Variants in SDAD1 observed in about 807,000 individuals in gnomAD.
The protein encoded by SDAD1 is protein SDA1 homolog.
Under a neutral mutation model 100.3 loss-of-function variants are expected in SDAD1, and 79 were observed. The observed-to-expected ratio is 0.79, with a 90% CI of 0.66 to 0.95. The LOEUF (loss-of-function observed/expected upper bound fraction) is 0.95, where lower values mean the gene tolerates loss of function less well. Ranked by LOEUF, SDAD1 falls within the 40% of genes least tolerant of loss-of-function variation. The pLI is 0.00. For synonymous variants in SDAD1, 267 were observed against 271.4 expected, an observed-to-expected ratio of 0.98 and a Z score of 0.16; for missense variants, 790 against 810.9, an observed-to-expected ratio of 0.97 and a Z score of 0.31.
At chr4:75,990,062 T>A (rs1295210629) in intron 1 of SDAD1, among the ~76,000 whole-genome samples, 1 of 152,190 alleles carries the variant, frequency 6.6e-6, no homozygotes, top group African/African-American at 2.4e-5. Flanking sequence ...AAAACCACTT[T>A]CGTTTTGTCG....
chr4:75,990,633 T>A, intron 1 of SDAD1, 119 bp downstream of exon 1: 1 of 1,597,552 alleles, frequency 6.3e-7, no homozygotes, highest in Non-Finnish European at 8.5e-7. Context: ...GAGGGACCCC[T>A]GAACCTAACA....
intron 20 of SDAD1, 75 bp from the exon 21 acceptor site, chr4:75,956,211 CCT>C (rs1438344674): frequency 6.8e-7 from 1 of 1,477,502 alleles, no homozygotes; most frequent in Non-Finnish European, 9.1e-7. Flanking sequence ...ATTAATGTCT[CCT>C]CTGTGTCAGA....
rs114686784 is a variant in SDAD1, at chr4:75,990,912, G to A, written c.-71C>T. 2.5e-6 allele frequency: 4 copies of A among 1,578,010 alleles called. No individual in the cohort carries two copies. The highest frequency in any genetic ancestry group is 1.7e-5 in the Admixed American group (1 of 59,556). Reference sequence around the variant, plus strand: ...AGACGGCCGGCACCCCGCAATCCCTGCCAGCTGCAGCTTGGACTCGTGTTT... The same window carrying A: ...AGACGGCCGGCACCCCGCAATCCCTACCAGCTGCAGCTTGGACTCGTGTTT... On this transcript the variant is annotated 5_prime_UTR_variant, in exon 1 of 22. Coordinates refer to ENST00000356260, the MANE Select transcript of SDAD1 (RefSeq NM_018115.4).
At chr4:75,965,611 T>C (rs535055928) in intron 13 of SDAD1, among the ~76,000 whole-genome samples, 153 bp downstream of exon 13, 2 of 152,262 alleles carry the variant, frequency 1.3e-5, no homozygotes, top group East Asian at 3.9e-4. Context: ...TCTTTTGTAC[T>C]CTTTCCCTTC....
At position 75,976,249 on chromosome 4, in the gene SDAD1, A is replaced by G. The variant is rs561626615; in HGVS notation, c.406-254T>C. Among the ~76,000 whole-genome samples the G allele has an allele frequency of 1.3e-4, 20 of 152,332 alleles. 1 individual carries two copies. In the South Asian group the frequency reaches 3.7e-3, roughly 28 times the overall value. ...CTAGGTATATATCCTAGAAAATGAA[A>G]ACATCAGTGTTCACACAAACATTCA... On this transcript the variant is annotated intron_variant, in intron 4 of 21. Coordinates refer to ENST00000356260, the MANE Select transcript of SDAD1 (RefSeq NM_018115.4).
intron 8 of SDAD1, among the ~76,000 whole-genome samples, chr4:75,972,706 AT>A (rs1235465758): frequency 0.017 from 2,215 of 133,260 alleles, 50 homozygotes; most frequent in African/African-American, 0.057. Flanking sequence ...ATGAATCTTG[AT>A]TTTTTTTTTT....
At chr4:75,958,249 G>A (rs1729017616) in intron 17 of SDAD1, among the ~76,000 whole-genome samples, 1 of 152,114 alleles carries the variant, frequency 6.6e-6, no homozygotes, top group African/African-American at 2.4e-5. Flanking sequence ...CGCTAAAAAG[G>A]CATCCTACAC....
intron 3 of SDAD1, among the ~76,000 whole-genome samples, 190 bp from the exon 4 acceptor site, chr4:75,977,946 T>C (rs1197056288): frequency 6.6e-6 from 1 of 152,112 alleles, no homozygotes. Context: ...ACAAGCCAAG[T>C]AAGCATATAA....
At chr4:75,967,800 G>C (rs1365113155) in intron 11 of SDAD1, among the ~76,000 whole-genome samples, 5 of 152,152 alleles carry the variant, frequency 3.3e-5, no homozygotes, top group Non-Finnish European at 4.4e-5. Flanking sequence ...TTGTATACCA[G>C]TCCAACCACG....
At chr4:75,964,049 C>G (rs1157417831) in intron 14 of SDAD1, 86 bp downstream of exon 14, 2 of 853,532 alleles carry the variant, frequency 2.3e-6, no homozygotes, top group African/African-American at 3.5e-5. Context: ...GTGATACTAC[C>G]AGCTACAATC....
At chr4:75,967,417 G>T in intron 11 of SDAD1, 83 bp from the exon 12 acceptor site, 1 of 1,242,022 alleles carries the variant, frequency 8.1e-7, no homozygotes, top group Non-Finnish European at 1.2e-6. Flanking sequence ...ATATCACCAA[G>T]CTCAACTAAT....
rs374104248 is a variant in SDAD1, at chr4:75,969,325, G to C, written c.958C>G (p.Leu320Val). ...TGAATTCCCACCAATCTGGAGATAA[G>C]GTTCATGAGCATCATCTTCACTTCA... is the stretch of plus-strand genomic sequence containing the variant. ...RFEVKMMLMN[L>V]ISRLVGIHEL... is the part of the protein sequence containing the mutation. Residue 320 changes from leucine to valine, a missense_variant, in exon 11 of 22, where the codon CTT becomes GTT. Leu to Val is a conservative substitution (Grantham distance 32). Coordinates refer to ENST00000356260, the MANE Select transcript of SDAD1 (RefSeq NM_018115.4). The C allele has an allele frequency of 1.9e-6, 3 of 1,613,350 alleles. No homozygotes were observed. The highest frequency in any genetic ancestry group is 2.5e-6 in the Non-Finnish European group (3 of 1,179,490).
intron 8 of SDAD1, among the ~76,000 whole-genome samples, chr4:75,972,715 T>C (rs1729935744): frequency 6.6e-6 from 1 of 151,976 alleles, no homozygotes; most frequent in Non-Finnish European, 1.5e-5. Context: ...GATTTTTTTT[T>C]TTTCCTCAAA....
intron 6 of SDAD1, 122 bp from the exon 7 acceptor site, chr4:75,974,255 A>G: frequency 1.3e-6 from 1 of 778,934 alleles, no homozygotes; most frequent in Admixed American, 2.1e-5. Context: ...TCCCAGTTGT[A>G]ATATTTTAAA....
At position 75,990,650 on chromosome 4, in the gene SDAD1, T is replaced by C. The variant is rs760875130; in HGVS notation, c.90+102A>G. ...GGGACCCCTGAACCTAACAGAAGAA[T>C]AGGCGGCGAGCCTGGATCCCAGCCC... On this transcript the variant is annotated intron_variant, in intron 1 of 21. Transcript: ENST00000356260. 2.6e-5 allele frequency: 42 copies of C among 1,601,358 alleles called. No homozygotes were observed. In the African/African-American group the frequency reaches 2.8e-4, roughly 11 times the overall value.
intron 21 of SDAD1, among the ~76,000 whole-genome samples, chr4:75,955,379 GTC>G (rs1287214080): frequency 2.0e-5 from 3 of 152,138 alleles, no homozygotes; most frequent in Non-Finnish European, 4.4e-5. Context: ...TCTTGTGTGT[GTC>G]TTTTATTTCT....
chr4:75,952,612 C>T (rs963332190), intron 21 of SDAD1, among the ~76,000 whole-genome samples: 2 of 152,248 alleles, frequency 1.3e-5, no homozygotes, highest in South Asian at 4.1e-4. Flanking sequence ...ACTGAAATAT[C>T]ACCAAAGGGT....
intron 21 of SDAD1, among the ~76,000 whole-genome samples, chr4:75,951,548 T>C (rs958722093): frequency 6.6e-6 from 1 of 152,154 alleles, no homozygotes; most frequent in African/African-American, 2.4e-5. Flanking sequence ...AAGCAGTGAA[T>C]TGTATATCAT....
rs375664451 is a variant in SDAD1, at chr4:75,990,732, C to G, written c.90+20G>C. The G allele has an allele frequency of 4.2e-5, 67 of 1,613,684 alleles. No individual in the cohort carries two copies. In the African/African-American group the frequency reaches 8.4e-4, roughly 20 times the overall value. ...CCATCCACTATCCGGCCTCTAGCGT[C>G]TGCCGCGCCGCACTCCCACCTCCTC... is the stretch of plus-strand genomic sequence containing the variant. On this transcript the variant is annotated intron_variant, in intron 1 of 21. Transcript: ENST00000356260.
Sources: allele counts gnomAD v4.1 joint callset (sites outside exome capture counted in the v4.1 genomes callset), GRCh38; gene constraint gnomAD v4.1.1; transcripts MANE v1.5; gene names NCBI Gene and HGNC (gene_info 2026-07-23, HGNC 2026-07-21).